Variants in CDH23 observed in about 807,000 individuals in gnomAD.
The protein encoded by CDH23 is cadherin related 23.
Under a neutral mutation model 317.1 loss-of-function variants are expected in CDH23, and 189 were observed. That is an observed-to-expected ratio of 0.60 (90% CI 0.53 to 0.67). CDH23 has a LOEUF of 0.67. Among genes scored for constraint, CDH23 ranks in the 30% least tolerant of loss-of-function variants. The pLI, the probability that CDH23 is intolerant of heterozygous loss-of-function variation, is 0.00. For missense variants in CDH23, 4,401 were observed against 4,592.4 expected (o/e 0.96, Z 1.20); for synonymous variants, 1,839 against 1,876.8 (o/e 0.98, Z 0.52).
At chr10:71,558,812 C>G (rs1239670837) in intron 6 of CDH23, among the ~76,000 whole-genome samples, 1 of 152,136 alleles carries the variant, frequency 6.6e-6, no homozygotes, top group African/African-American at 2.4e-5. Flanking sequence ...TCTCTTGCAC[C>G]AGTTTTCCTT....
chr10:71,797,269 G>C, intron 49 of CDH23, 49 bp downstream of exon 49: 1 of 1,312,632 alleles, frequency 7.6e-7, no homozygotes, highest in Non-Finnish European at 1.1e-6. Context: ...AGCCAATCAG[G>C]GCAGGGGGCA....
chr10:71,675,308 G>T, intron 15 of CDH23, 132 bp downstream of exon 15: 1 of 735,410 alleles, frequency 1.4e-6, no homozygotes, highest in Non-Finnish European at 2.3e-6. Context: ...CACTGGACTG[G>T]AAGTTGGAAC....
chr10:71,581,039 T>C (rs1322365103), intron 9 of CDH23, among the ~76,000 whole-genome samples: 2 of 152,146 alleles, frequency 1.3e-5, no homozygotes, highest in Non-Finnish European at 2.9e-5. Context: ...GAAAAGAACA[T>C]TGTCTGCCAA....
chr10:71,682,153 C>A (rs1028304893), intron 17 of CDH23, among the ~76,000 whole-genome samples: 3 of 152,246 alleles, frequency 2.0e-5, no homozygotes, highest in Non-Finnish European at 4.4e-5. Context: ...CTGTTGAGAG[C>A]TGTGTGACCT....
At chr10:71,611,900 A>G (rs778148717) in intron 9 of CDH23, among the ~76,000 whole-genome samples, 3 of 152,188 alleles carry the variant, frequency 2.0e-5, no homozygotes, top group Non-Finnish European at 4.4e-5. Flanking sequence ...TGCGCATAGT[A>G]GGTGCTCAAT....
chr10:71,584,542 C>CTGTGTGTGTGTG (rs138103081), intron 9 of CDH23, among the ~76,000 whole-genome samples: 12,661 of 145,588 alleles, frequency 0.087, 717 homozygotes, highest in Non-Finnish European at 0.12. Flanking sequence ...GAAGGGAAGT[C>CTGTGTGTGTGTG]TGTGTGTGTG....
At chr10:71,426,671 A>G (rs1849092526) in intron 1 of CDH23, among the ~76,000 whole-genome samples, 1 of 152,170 alleles carries the variant, frequency 6.6e-6, no homozygotes, top group African/African-American at 2.4e-5. Context: ...TGGTTTCTAC[A>G]CTAGCTTTAT....
At chr10:71,565,544 G>A (rs1857350343) in intron 6 of CDH23, among the ~76,000 whole-genome samples, 1 of 152,190 alleles carries the variant, frequency 6.6e-6, no homozygotes, top group South Asian at 2.1e-4. Flanking sequence ...TGCCAGGGGA[G>A]TGGGTAGACA....
At chr10:71,777,523 C>G (rs1840842225) in intron 38 of CDH23, among the ~76,000 whole-genome samples, 157 bp from the exon 39 acceptor site, 1 of 152,152 alleles carries the variant, frequency 6.6e-6, no homozygotes, top group Non-Finnish European at 1.5e-5. Context: ...TTTGAGCTTT[C>G]TCTCTCTACC....
At chr10:71,546,632 G>A (rs953371077) in intron 6 of CDH23, among the ~76,000 whole-genome samples, 1 of 152,216 alleles carries the variant, frequency 6.6e-6, no homozygotes, top group African/African-American at 2.4e-5. Context: ...CTGATATATA[G>A]TAGGTGCACG....
intron 3 of CDH23, among the ~76,000 whole-genome samples, chr10:71,500,301 C>T (rs116706837): frequency 6.6e-6 from 1 of 152,118 alleles, no homozygotes; most frequent in South Asian, 2.1e-4. Context: ...CCTGTGTGTA[C>T]TTCACTTATT....
chr10:71,733,276 G>T (rs1839451508), intron 32 of CDH23, among the ~76,000 whole-genome samples: 1 of 152,174 alleles, frequency 6.6e-6, no homozygotes, highest in Admixed American at 6.5e-5. Context: ...GCCCTCCTCG[G>T]ACATGCCACC....
chr10:71,734,469 GGCTTC>G, intron 33 of CDH23, 128 bp downstream of exon 33: 1 of 1,501,104 alleles, frequency 6.7e-7, no homozygotes, highest in South Asian at 1.2e-5. Flanking sequence ...GATAGCCTGA[GGCTTC>G]GCCATGTCCA....
intron 14 of CDH23, among the ~76,000 whole-genome samples, chr10:71,668,487 C>T (rs1864005054): frequency 6.6e-6 from 1 of 152,152 alleles, no homozygotes; most frequent in African/African-American, 2.4e-5. Flanking sequence ...TGGAGTTAAC[C>T]ATGTTGATTC....
chr10:71,414,522 T>C (rs1848459580), intron 1 of CDH23, among the ~76,000 whole-genome samples: 1 of 152,266 alleles, frequency 6.6e-6, no homozygotes, highest in Non-Finnish European at 1.5e-5. Context: ...TTTGTCATGA[T>C]GTGTTATTCT....
intron 3 of CDH23, among the ~76,000 whole-genome samples, chr10:71,458,785 T>G (rs1387185638): frequency 6.6e-6 from 1 of 152,138 alleles, no homozygotes; most frequent in Non-Finnish European, 1.5e-5. Context: ...GGGTTTTTTG[T>G]TTTGTTTTGT....
chr10:71,550,649 G>A (rs1589195360), intron 6 of CDH23, among the ~76,000 whole-genome samples: 1 of 151,878 alleles, frequency 6.6e-6, no homozygotes, highest in South Asian at 2.1e-4. Context: ...TGTGGGAAAC[G>A]TGTTGAGAAT....
intron 38 of CDH23, among the ~76,000 whole-genome samples, chr10:71,767,062 G>A (rs1345353487): frequency 1.3e-5 from 2 of 152,240 alleles, no homozygotes; most frequent in Non-Finnish European, 2.9e-5. Context: ...TCCATCAGGG[G>A]CATCTGCTCA....
intron 6 of CDH23, among the ~76,000 whole-genome samples, chr10:71,545,149 C>A (rs974842107): frequency 6.6e-6 from 1 of 152,192 alleles, no homozygotes; most frequent in African/African-American, 2.4e-5. Context: ...CTCACCCCAG[C>A]CTTTCCTGGG....
Sources: gnomAD v4.1 joint callset for allele counts (sites outside exome capture counted in the v4.1 genomes callset) on GRCh38, gnomAD v4.1.1 for gene constraint, MANE v1.5 for transcripts, NCBI Gene and HGNC (gene_info 2026-07-23, HGNC 2026-07-21) for gene names.